ZNRF1: variants seen among roughly 807,000 people sequenced by gnomAD.
The protein encoded by ZNRF1 is zinc and ring finger 1, also known as E3 ubiquitin-protein ligase ZNRF1.
A neutral mutation model predicts 18.4 loss-of-function variants in ZNRF1; 3 were observed. That is an observed-to-expected ratio of 0.16 (90% confidence interval 0.07 to 0.42). The LOEUF (loss-of-function observed/expected upper bound fraction) is 0.42, where lower values mean the gene tolerates loss of function less well. Ranked by LOEUF, ZNRF1 falls within the 10% of genes least tolerant of loss-of-function variation. The pLI is 0.99. For synonymous variants in ZNRF1, 157 were observed against 144.2 expected (o/e 1.09, Z -0.64); for missense variants, 310 against 329.8 (o/e 0.94, Z 0.47).
At chr16:75,006,798 T>C (rs907559905) in intron 1 of ZNRF1, among the ~76,000 whole-genome samples, 11 of 152,196 alleles carry the variant, frequency 7.2e-5, no homozygotes, top group African/African-American at 2.7e-4. Flanking sequence ...CCAAGCTTTC[T>C]CATGGCCTAG....
intron 1 of ZNRF1, among the ~76,000 whole-genome samples, chr16:75,006,979 A>C (rs1331033194): frequency 6.6e-6 from 1 of 152,090 alleles, no homozygotes; most frequent in Non-Finnish European, 1.5e-5. Flanking sequence ...GTATGGATGA[A>C]GGATGAGTTG....
chr16:75,061,024 G>C (rs1373774269), intron 1 of ZNRF1, among the ~76,000 whole-genome samples: 3 of 152,080 alleles, frequency 2.0e-5, no homozygotes, highest in Non-Finnish European at 2.9e-5. Flanking sequence ...TACATTTTTT[G>C]TGGGTACATA....
intron 2 of ZNRF1, among the ~76,000 whole-genome samples, chr16:75,096,061 C>CGTGTGTGT (rs56013949): frequency 0.019 from 2,622 of 139,694 alleles, 71 homozygotes; most frequent in African/African-American, 0.041. Context: ...TATGTGTGCA[C>CGTGTGTGT]GTGTGTGTGT....
At chr16:75,106,712 CAGTT>C (rs2036320237) in intron 4 of ZNRF1, 141 bp downstream of exon 4, 1 of 623,358 alleles carries the variant, frequency 1.6e-6, no homozygotes, top group South Asian at 1.9e-5. Flanking sequence ...CATCAGTGAG[CAGTT>C]AGTCATCCGG....
At chr16:75,023,305 T>G (rs1042703859) in intron 1 of ZNRF1, among the ~76,000 whole-genome samples, 26 of 152,234 alleles carry the variant, frequency 1.7e-4, no homozygotes, top group Middle Eastern at 3.4e-3. Flanking sequence ...TTCCCCTACC[T>G]TACCCCCCAC....
Position 75,106,470 on chromosome 16 carries a change from C to G in ZNRF1, c.627-12C>G, listed in dbSNP as rs184596795. The stretch of plus-strand genomic sequence containing the variant: ...AGGTAACGTGGTTTCCCTTGCGGCC[C>G]CCTCCTCCCAGCTGCATAGACTCGT... On this transcript the variant is annotated splice_polypyrimidine_tract_variant and intron_variant, in intron 3 of 4. Transcript: ENST00000335325. The G allele has an allele frequency of 1.2e-6, 2 of 1,614,076 alleles. No individual in the cohort carries two copies. Among genetic ancestry groups the G allele is most frequent in the Non-Finnish European group, 8.5e-7 (1 of 1,179,996 alleles).
chr16:75,104,125 A>G (rs1186928361), intron 2 of ZNRF1: 1 of 152,366 alleles, frequency 6.6e-6, no homozygotes, highest in Non-Finnish European at 1.5e-5. Context: ...AAATGGGTTC[A>G]TACAATAGGT....
Position 75,006,481 on chromosome 16 carries a change from G to C in ZNRF1, c.424+6386G>C, listed in dbSNP as rs143507866. Among the ~76,000 whole-genome samples, 1,496 of 152,224 alleles carry C rather than the reference G, an allele frequency of 9.8e-3. 20 individuals are homozygous for C. Among genetic ancestry groups the C allele is most frequent in the African/African-American group, 0.034 (1,409 of 41,530 alleles). Reference sequence around the variant, plus strand: ...GACAGAGTCTCACTCTGTCACCCAGGCTGGAGTGCAGTGGCATGATCTGAG... The same window carrying C: ...GACAGAGTCTCACTCTGTCACCCAGCCTGGAGTGCAGTGGCATGATCTGAG... On this transcript the variant is annotated intron_variant, in intron 1 of 4. Coordinates refer to ENST00000335325, the MANE Select transcript of ZNRF1 (RefSeq NM_032268.5).
In ZNRF1 at chr16:75,065,896, G is replaced by T. The variant is rs2035797258; in HGVS notation, c.425-27676G>T. 2.6e-5 allele frequency among the ~76,000 whole-genome samples: 4 copies of T among 152,288 alleles called. No homozygotes were observed. The South Asian group carries it at 8.3e-4, about 32-fold the overall frequency. On this transcript the variant is annotated intron_variant, in intron 1 of 4. Coordinates refer to ENST00000335325, the MANE Select transcript of ZNRF1 (RefSeq NM_032268.5). ...GACAAGAGGACTGTTAGAAAGTCCT[G>T]TATGTGGAAGCCGCTGCTGCTCCTC...
chr16:75,098,877 C>A lies in ZNRF1; in HGVS notation c.520+5210C>A, dbSNP rs912981829. ...AGCTGTGTGAGCCTCCCCACCCCTC[C>A]ATACTTCTAGCAGTTCCAGGGTCTC... On this transcript the variant is annotated intron_variant, in intron 2 of 4. Transcript: ENST00000335325. Among the ~76,000 whole-genome samples, 3 of 152,204 alleles carry A rather than the reference C, an allele frequency of 2.0e-5. 1 individual carries two copies. In the East Asian group the frequency reaches 5.8e-4, roughly 29 times the overall value.
chr16:75,100,464 A>G (rs535959093), intron 2 of ZNRF1, among the ~76,000 whole-genome samples: 70 of 152,210 alleles, frequency 4.6e-4, no homozygotes, highest in African/African-American at 1.6e-3. Context: ...AAAGCGCCTA[A>G]GCCTTATCCT....
intron 1 of ZNRF1, among the ~76,000 whole-genome samples, chr16:75,073,650 T>G (rs2035902055): frequency 1.3e-5 from 2 of 152,274 alleles, no homozygotes; most frequent in South Asian, 4.1e-4. Flanking sequence ...CTCTCAGCAC[T>G]GTTTTTGGAT....
At chr16:75,023,312 C>G (rs2035178202) in intron 1 of ZNRF1, among the ~76,000 whole-genome samples, 1 of 152,162 alleles carries the variant, frequency 6.6e-6, no homozygotes, top group African/African-American at 2.4e-5. Context: ...ACCTTACCCC[C>G]CACATTCACA....
At position 75,003,217 on chromosome 16, in the gene ZNRF1, C is replaced by T. The variant is rs985079317; in HGVS notation, c.424+3122C>T. On this transcript the variant is annotated intron_variant, in intron 1 of 4. Transcript: ENST00000335325. ...CCTCAGGTGATCTGCCTGACCCGGCCTCCCAAAGTGATAGGATTACAGGCG... is the reference window on the plus strand; with the variant it reads ...CCTCAGGTGATCTGCCTGACCCGGCTTCCCAAAGTGATAGGATTACAGGCG... Among the ~76,000 whole-genome samples, 7 of 152,256 alleles carry T rather than the reference C, an allele frequency of 4.6e-5. 1 individual carries two copies. Among genetic ancestry groups the T allele is most frequent in the South Asian group, 4.1e-4 (2 of 4,834 alleles).
chr16:75,076,544 AT>A (rs1248215602), intron 1 of ZNRF1, among the ~76,000 whole-genome samples: 3 of 151,414 alleles, frequency 2.0e-5, no homozygotes, highest in African/African-American at 4.8e-5. Context: ...ATACATATGA[AT>A]GGATAGACAG....
At chr16:75,077,685 T>C (rs2035958459) in intron 1 of ZNRF1, among the ~76,000 whole-genome samples, 2 of 152,202 alleles carry the variant, frequency 1.3e-5, no homozygotes, top group Admixed American at 1.3e-4. Context: ...GAAATCTGCA[T>C]TGGTCTCGCT....
chr16:75,096,506 A>T (rs567091731), intron 2 of ZNRF1, among the ~76,000 whole-genome samples: 13 of 152,172 alleles, frequency 8.5e-5, no homozygotes, highest in Admixed American at 2.0e-4. Context: ...TTTCTAATTT[A>T]AAAAAAGACT....
At chr16:75,017,257 G>A (rs2035084615) in intron 1 of ZNRF1, among the ~76,000 whole-genome samples, 2 of 152,080 alleles carry the variant, frequency 1.3e-5, no homozygotes, top group Admixed American at 6.5e-5. Context: ...AAAACTGTTA[G>A]GATATTTATT....
chr16:75,052,191 A>G (rs774786476), intron 1 of ZNRF1, among the ~76,000 whole-genome samples: 1 of 151,998 alleles, frequency 6.6e-6, no homozygotes, highest in Non-Finnish European at 1.5e-5. Context: ...TTGAACCCAG[A>G]AGTTCGAGAC....
Sources: allele counts gnomAD v4.1 joint callset (sites outside exome capture counted in the v4.1 genomes callset), GRCh38; gene constraint gnomAD v4.1.1; transcripts MANE v1.5; gene names NCBI Gene and HGNC (gene_info 2026-07-23, HGNC 2026-07-21).